Variants in GLRX3 observed in about 807,000 individuals in gnomAD.
GLRX3 encodes the protein glutaredoxin 3.
A neutral mutation model predicts 49.5 loss-of-function variants in GLRX3; 22 were observed. That is an observed-to-expected ratio of 0.44 (90% CI 0.32 to 0.63). GLRX3 has a LOEUF of 0.63. Among genes scored for constraint, GLRX3 ranks in the 30% least tolerant of loss-of-function variants. The probability of loss-of-function intolerance (pLI) is 0.05; values close to 1 mark genes in which losing one functional copy is unlikely to be tolerated. For missense variants in GLRX3, 385 were observed against 396.3 expected, an observed-to-expected ratio of 0.97 and a Z score of 0.24; for synonymous variants, 133 against 140.0, an observed-to-expected ratio of 0.95 and a Z score of 0.35.
chr10:130,139,112 C>G (rs1423966416), intron 1 of GLRX3, among the ~76,000 whole-genome samples: 1 of 151,924 alleles, frequency 6.6e-6, no homozygotes, highest in African/African-American at 2.4e-5. Context: ...GGGCCCGCTT[C>G]CCAGCGTGCT....
At chr10:130,171,436 AG>A in intron 7 of GLRX3, 147 bp from the exon 8 acceptor site, 1 of 621,420 alleles carries the variant, frequency 1.6e-6, no homozygotes, top group Non-Finnish European at 2.9e-6. Flanking sequence ...GTACTTGAAG[AG>A]GGGATGAGCA....
intron 2 of GLRX3, among the ~76,000 whole-genome samples, chr10:130,149,454 C>T (rs1206791050): frequency 6.2e-5 from 9 of 145,386 alleles, no homozygotes; most frequent in Non-Finnish European, 1.1e-4. Flanking sequence ...AAAAAAAAAA[C>T]AAAACAGGAA....
chr10:130,167,140 A>C (rs1295107668), intron 6 of GLRX3, among the ~76,000 whole-genome samples, 160 bp downstream of exon 6: 5 of 152,224 alleles, frequency 3.3e-5, no homozygotes, highest in Non-Finnish European at 5.9e-5. Flanking sequence ...ACTTTGGCAA[A>C]TCTAATTTGT....
intron 10 of GLRX3, among the ~76,000 whole-genome samples, chr10:130,175,324 C>A (rs1400808604): frequency 6.6e-6 from 1 of 152,176 alleles, no homozygotes; most frequent in Non-Finnish European, 1.5e-5. Context: ...ATTGCATCTC[C>A]TTTCTGTGGG....
intron 1 of GLRX3, among the ~76,000 whole-genome samples, chr10:130,140,018 AT>A (rs1449854085): frequency 6.6e-6 from 1 of 152,232 alleles, no homozygotes; most frequent in Non-Finnish European, 1.5e-5. Context: ...CAATTTTAAA[AT>A]TTGACATGAA....
intron 1 of GLRX3, among the ~76,000 whole-genome samples, chr10:130,143,146 G>T (rs1455481867): frequency 6.6e-6 from 1 of 152,214 alleles, no homozygotes; most frequent in Non-Finnish European, 1.5e-5. Context: ...GGAGCCAGCT[G>T]TAGACTGCCT....
At chr10:130,143,798 A>C (rs1220301285) in intron 1 of GLRX3, among the ~76,000 whole-genome samples, 1 of 151,988 alleles carries the variant, frequency 6.6e-6, no homozygotes, top group Non-Finnish European at 1.5e-5. Context: ...TCTGGGTTCA[A>C]ACAATTCTTC....
At chr10:130,137,935 C>T (rs1862095983) in intron 1 of GLRX3, among the ~76,000 whole-genome samples, 1 of 152,104 alleles carries the variant, frequency 6.6e-6, no homozygotes, top group South Asian at 2.1e-4. Flanking sequence ...GAGGTCTCGC[C>T]ATGTTGCCCA....
chr10:130,147,536 A>C (rs1035327423), intron 2 of GLRX3, among the ~76,000 whole-genome samples: 4 of 152,218 alleles, frequency 2.6e-5, no homozygotes, highest in Admixed American at 6.5e-5. Context: ...CCTGCCACTC[A>C]TGAGGATGAT....
intron 7 of GLRX3, 149 bp downstream of exon 7, chr10:130,169,639 A>T (rs1862766131): frequency 4.9e-6 from 3 of 615,456 alleles, no homozygotes; most frequent in Non-Finnish European, 8.8e-6. Context: ...GCTTACGGAG[A>T]TCAAACAAAG....
At chr10:130,145,971 T>A in intron 2 of GLRX3, among the ~76,000 whole-genome samples, 1 of 152,028 alleles carries the variant, frequency 6.6e-6, no homozygotes, top group Non-Finnish European at 1.5e-5. Context: ...TTTTTTGTAT[T>A]TTTAGTAGAG....
In GLRX3 at chr10:130,136,392, C is replaced by G; in HGVS notation, c.-29C>G. On this transcript the variant is annotated 5_prime_UTR_variant, in exon 1 of 11. Transcript: ENST00000331244. Reference sequence around the variant, plus strand: ...CCCCGCCCACATCCGGCCGCCGGCACTGGATTGCTTCTGTCTGGCGGCGGC... The same window carrying G: ...CCCCGCCCACATCCGGCCGCCGGCAGTGGATTGCTTCTGTCTGGCGGCGGC... 4 of 1,244,968 alleles carry G rather than the reference C, an allele frequency of 3.2e-6. No homozygotes were observed. The highest frequency in any genetic ancestry group is 6.3e-5 in the East Asian group (2 of 31,698). 77.1% of individuals were successfully genotyped at this position (1,244,968 alleles called of 1,614,324 possible).
At chr10:130,159,596 G>A (rs1862537413) in intron 2 of GLRX3, 1 of 164,988 alleles carries the variant, frequency 6.1e-6, no homozygotes, top group Non-Finnish European at 1.3e-5. Flanking sequence ...TTAGTCAATA[G>A]AGCAAACAGC....
At chr10:130,156,639 A>G (rs1188018784) in intron 2 of GLRX3, among the ~76,000 whole-genome samples, 2 of 152,218 alleles carry the variant, frequency 1.3e-5, no homozygotes, top group Non-Finnish European at 2.9e-5. Context: ...CCCAGAATAA[A>G]TTGTAGCTAT....
intron 3 of GLRX3, 26 bp from the exon 4 acceptor site, chr10:130,160,770 A>T: frequency 7.8e-7 from 1 of 1,287,600 alleles, no homozygotes; most frequent in East Asian, 2.3e-5. Context: ...TGCTGCATGT[A>T]TTCTAAATAA....
chr10:130,137,791 G>A (rs1862090783), intron 1 of GLRX3, among the ~76,000 whole-genome samples: 1 of 152,170 alleles, frequency 6.6e-6, no homozygotes, highest in African/African-American at 2.4e-5. Context: ...CTGCAGTGTA[G>A]TGGAGCGATC....
chr10:130,179,454 A>G lies in GLRX3; in HGVS notation c.*62A>G, dbSNP rs539405196. The G allele has an allele frequency of 3.5e-5, 30 of 866,056 alleles. No homozygotes were observed. The African/African-American group carries it at 5.0e-4, about 14-fold the overall frequency. 53.6% of individuals were successfully genotyped at this position (866,056 alleles called of 1,614,324 possible). A position where few individuals can be genotyped will look rare whatever the true frequency, so the allele number is the denominator to read the frequency against. On this transcript the variant is annotated 3_prime_UTR_variant, in exon 11 of 11. Coordinates refer to ENST00000331244, the MANE Select transcript of GLRX3 (RefSeq NM_006541.5). The stretch of plus-strand genomic sequence containing the variant: ...TATTTAATTACATTGGGAGCAGTTC[A>G]TGATTTAGTCCTCAGAAATGGACTA...
intron 8 of GLRX3, among the ~76,000 whole-genome samples, chr10:130,173,453 T>C (rs1862853971): frequency 6.6e-6 from 1 of 152,220 alleles, no homozygotes; most frequent in Non-Finnish European, 1.5e-5. Flanking sequence ...GCCAAATGTA[T>C]GTGGAGAAAA....
chr10:130,141,904 G>A (rs1327158726), intron 1 of GLRX3, among the ~76,000 whole-genome samples: 3 of 152,180 alleles, frequency 2.0e-5, no homozygotes, highest in Admixed American at 6.5e-5. Flanking sequence ...GAGGGGTCAG[G>A]CCTGTGTTCT....
Sources: allele counts gnomAD v4.1 joint callset (sites outside exome capture counted in the v4.1 genomes callset), GRCh38; gene constraint gnomAD v4.1.1; transcripts MANE v1.5; gene names NCBI Gene and HGNC (gene_info 2026-07-23, HGNC 2026-07-21).